The following RPS6KA2 variants were observed in gnomAD, a reference collection of about 807,000 sequenced individuals.
RPS6KA2 encodes ribosomal protein S6 kinase A2.
A neutral mutation model predicts 91.8 loss-of-function variants in RPS6KA2; 42 were observed. The observed-to-expected ratio is 0.46, with a 90% CI of 0.36 to 0.59. The LOEUF (loss-of-function observed/expected upper bound fraction) is 0.59. RPS6KA2 is among the 20% of genes least tolerant of loss of function. The pLI is 0.00. For missense variants in RPS6KA2, 798 were observed against 978.5 expected (o/e 0.82, Z 2.46); for synonymous variants, 414 against 393.6 (o/e 1.05, Z -0.61).
intron 10 of RPS6KA2, among the ~76,000 whole-genome samples, chr6:166,475,107 G>A (rs1308319414): frequency 6.6e-6 from 1 of 152,122 alleles, no homozygotes; most frequent in Non-Finnish European, 1.5e-5. Flanking sequence ...AAAGCAGACA[G>A]CCTGAGCAGG....
intron 1 of RPS6KA2, among the ~76,000 whole-genome samples, chr6:166,590,503 G>A (rs1458819208): frequency 6.6e-6 from 1 of 152,194 alleles, no homozygotes; most frequent in Non-Finnish European, 1.5e-5. Flanking sequence ...GCCTGCCCCA[G>A]AAGAATCCAG....
chr6:166,438,045 C>T (rs1418233068), intron 14 of RPS6KA2, among the ~76,000 whole-genome samples: 1 of 152,182 alleles, frequency 6.6e-6, no homozygotes, highest in East Asian at 1.9e-4. Context: ...CAGGCCATTT[C>T]CCTTGAGTTG....
At chr6:166,422,317 G>A (rs186185583) in intron 17 of RPS6KA2, among the ~76,000 whole-genome samples, 15 of 152,292 alleles carry the variant, frequency 9.8e-5, no homozygotes, top group East Asian at 7.7e-4. Flanking sequence ...GTCTCAGCAC[G>A]CAGAAGCATC....
rs369731904 is a variant in RPS6KA2 at position 166,829,410 on chromosome 6, A to T, written c.123+28790T>A. On this transcript the variant is annotated intron_variant, in intron 2 of 21. Coordinates refer to the RPS6KA2 transcript ENST00000503859. ...ATGGAGACCATCCTGGCTAACACAG[A>T]GAAACCCCGTCTCTACTAAATATAC... Among the ~76,000 whole-genome samples the T allele has an allele frequency of 1.4e-4, 22 of 151,864 alleles. No homozygotes were observed. The East Asian group carries it at 2.5e-3, about 17-fold the overall frequency.
rs1049415246 is a variant in RPS6KA2, at chr6:166,557,936, G to T, written c.100-19152C>A. On this transcript the variant is annotated intron_variant, in intron 1 of 20. Transcript: ENST00000265678. This position sits in a 1 kb window ranked among gnomAD's most constrained non-coding sequence, Gnocchi z 4.8. Reference sequence around the variant, plus strand: ...AGGTGATATGTGTGTATGTGTGTGGGTGTGGGTGTGTATAGAGATGTATAT... The same window carrying T: ...AGGTGATATGTGTGTATGTGTGTGGTTGTGGGTGTGTATAGAGATGTATAT... 6.6e-6 allele frequency among the ~76,000 whole-genome samples: 1 copy of T among 152,004 alleles called. No individual in the cohort carries two copies. The highest frequency in any genetic ancestry group is 1.5e-5 in the Non-Finnish European group (1 of 67,992).
chr6:166,660,036 C>T (rs987210852), intron 2 of RPS6KA2, among the ~76,000 whole-genome samples: 1 of 152,050 alleles, frequency 6.6e-6, no homozygotes, highest in Non-Finnish European at 1.5e-5. Context: ...TGCTCACAGG[C>T]GTGAGCCACC....
intron 2 of RPS6KA2, among the ~76,000 whole-genome samples, chr6:166,718,933 T>C (rs1790096235): frequency 6.6e-6 from 1 of 152,266 alleles, no homozygotes; most frequent in Non-Finnish European, 1.5e-5. Flanking sequence ...TGTGTGTCTG[T>C]ATACAGGCAT....
At chr6:166,449,942 CACAGGAACCACT>C (rs1404240903) in intron 13 of RPS6KA2, among the ~76,000 whole-genome samples, 1 of 150,754 alleles carries the variant, frequency 6.6e-6, no homozygotes, top group Non-Finnish European at 1.5e-5. Context: ...CAGGGACCAC[CACAGGAACCACT>C]ACAGGGACCA....
chr6:166,728,830 C>T (rs1790426261), intron 2 of RPS6KA2, among the ~76,000 whole-genome samples: 1 of 152,182 alleles, frequency 6.6e-6, no homozygotes, highest in Non-Finnish European at 1.5e-5. Flanking sequence ...AGGCAGGTCT[C>T]ATGTGGGTGA....
Position 166,490,647 on chromosome 6 carries a change from T to C in RPS6KA2, c.818+24A>G, listed in dbSNP as rs924050587. ...ATATCAGAAGGTGCTCGCAGGTCTC[T>C]GGGGTGGCTCCCACACTACTCACTT... On this transcript the variant is annotated intron_variant, in intron 9 of 20. Transcript: ENST00000265678. The surrounding 1 kb of genome is among the most constrained non-coding windows in gnomAD (Gnocchi z 4.2). 10 of 1,572,806 alleles carry C rather than the reference T, an allele frequency of 6.4e-6. No individual in the cohort carries two copies. The African/African-American group carries it at 9.5e-5, about 15-fold the overall frequency.
intron 2 of RPS6KA2, among the ~76,000 whole-genome samples, chr6:166,802,909 T>C (rs115302383): frequency 0.012 from 1,714 of 147,002 alleles, 29 homozygotes; most frequent in African/African-American, 0.041. Context: ...TGATAAACCA[T>C]AGATTATATA....
At chr6:166,534,442 C>A (rs80204711) in intron 2 of RPS6KA2, among the ~76,000 whole-genome samples, 4,009 of 152,104 alleles carry the variant, frequency 0.026, 172 homozygotes, top group African/African-American at 0.089. Context: ...GACGGTGCAG[C>A]CTTCACAATA....
rs1219899400 is a variant in RPS6KA2, at chr6:166,701,297, G to A, written c.123+156903C>T. On this transcript the variant is annotated intron_variant, in intron 2 of 21. Transcript: ENST00000503859. ...ACTTCTGCACTTGACAAATTCTGAA[G>A]TTCATTCACCGTTTTGCCTCCTTTT... The A allele has an allele frequency of 1.9e-5, 31 of 1,608,030 alleles. No individual in the cohort carries two copies. In the East Asian group the frequency reaches 6.3e-4, roughly 32 times the overall value.
At chr6:166,755,468 GTTTA>G (rs3831151) in intron 2 of RPS6KA2, among the ~76,000 whole-genome samples, 149 of 152,004 alleles carry the variant, frequency 9.8e-4, no homozygotes, top group Middle Eastern at 3.4e-3. Context: ...CACAACTGGG[GTTTA>G]TTTATTTATT....
At chr6:166,766,849 AT>A (rs1411859398) in intron 2 of RPS6KA2, among the ~76,000 whole-genome samples, 1 of 152,154 alleles carries the variant, frequency 6.6e-6, no homozygotes, top group African/African-American at 2.4e-5. Flanking sequence ...AGCTGCTGGT[AT>A]TTCCTTTTGC....
chr6:166,590,851 A>G (rs940434519), intron 1 of RPS6KA2, among the ~76,000 whole-genome samples: 3 of 152,212 alleles, frequency 2.0e-5, no homozygotes, highest in African/African-American at 7.2e-5. Flanking sequence ...AGGGAACGGA[A>G]GAGATCATCA....
rs148971843 is a variant in RPS6KA2 at position 166,861,939 on chromosome 6, G to A, written c.63+169C>T. Among the ~76,000 whole-genome samples, 167 of 152,336 alleles carry A rather than the reference G, an allele frequency of 1.1e-3. No homozygotes were observed. In the East Asian group the frequency reaches 0.023, roughly 21 times the overall value. On this transcript the variant is annotated intron_variant, in intron 1 of 21. Transcript: ENST00000503859. Reference sequence around the variant, plus strand: ...GTATACACACGCAATGTTTATCCATGTGCATACACAACGCAACATATACAT... The same window carrying A: ...GTATACACACGCAATGTTTATCCATATGCATACACAACGCAACATATACAT...
At chr6:166,556,616 C>T (rs565685989) in intron 1 of RPS6KA2, among the ~76,000 whole-genome samples, 65 of 152,288 alleles carry the variant, frequency 4.3e-4, no homozygotes, top group African/African-American at 1.5e-3. Context: ...CTCAAGAGTA[C>T]AGAGGTGGGC....
chr6:166,421,190 G>T (rs1778706745), intron 17 of RPS6KA2, among the ~76,000 whole-genome samples: 1 of 152,168 alleles, frequency 6.6e-6, no homozygotes, highest in Non-Finnish European at 1.5e-5. Flanking sequence ...ATGGTTAATA[G>T]ATTTTACCCT....
Sources: gnomAD v4.1 joint callset for allele counts (sites outside exome capture counted in the v4.1 genomes callset) on GRCh38, gnomAD v4.1.1 for gene constraint, Gnocchi (gnomAD v3.1) non-coding constraint, MANE v1.5 for transcripts, NCBI Gene and HGNC (gene_info 2026-07-23, HGNC 2026-07-21) for gene names.